MAGI3: variants seen among roughly 807,000 people sequenced by gnomAD.
MAGI3 encodes the protein membrane-associated guanylate kinase, WW and PDZ domain-containing protein 3.
Under a neutral mutation model 121.8 loss-of-function variants are expected in MAGI3, and 43 were observed. That is an observed-to-expected ratio of 0.35 (90% CI 0.28 to 0.46). The LOEUF is 0.46. MAGI3 is among the 20% of genes least tolerant of loss of function. The probability of loss-of-function intolerance (pLI) is 1.00; values close to 1 mark genes in which losing one functional copy is unlikely to be tolerated. For missense variants in MAGI3, 1,547 were observed against 1,797.3 expected (o/e 0.86, Z 2.52); for synonymous variants, 553 against 639.3 (o/e 0.86, Z 2.04).
At chr1:113,538,277 T>G (rs894074000) in intron 1 of MAGI3, among the ~76,000 whole-genome samples, 1 of 152,230 alleles carries the variant, frequency 6.6e-6, no homozygotes, top group African/African-American at 2.4e-5. Flanking sequence ...ACCTCAAGTC[T>G]TGGACATTCT....
intron 2 of MAGI3, among the ~76,000 whole-genome samples, chr1:113,567,890 GCATT>G (rs757295639): frequency 2.0e-5 from 3 of 151,868 alleles, no homozygotes; most frequent in Non-Finnish European, 4.4e-5. Context: ...GAAATAAAAG[GCATT>G]CAACTTAGAA....
At chr1:113,652,453 G>T (rs1021124815) in intron 14 of MAGI3, among the ~76,000 whole-genome samples, 3 of 152,096 alleles carry the variant, frequency 2.0e-5, no homozygotes, top group African/African-American at 7.2e-5. Flanking sequence ...GCCTCCTTTG[G>T]TAAATACCAG....
chr1:113,408,461 C>G (rs1390270372), intron 1 of MAGI3, among the ~76,000 whole-genome samples: 1 of 152,080 alleles, frequency 6.6e-6, no homozygotes, highest in Non-Finnish European at 1.5e-5. Context: ...GCTAGGTTAT[C>G]AGTTAAGTTG....
At position 113,585,544 on chromosome 1, in the gene MAGI3, TGAAGAG is replaced by T. The variant is rs1434168869; in HGVS notation, c.717_722del (p.Glu240_Glu241del). The T allele has an allele frequency of 5.0e-6, 8 of 1,614,102 alleles. No homozygotes were observed. In the East Asian group the frequency reaches 1.6e-4, roughly 31 times the overall value. On this transcript the variant is annotated inframe_deletion, in exon 4 of 21. Coordinates refer to ENST00000307546, the MANE Select transcript of MAGI3 (RefSeq NM_001142782.2). Reference sequence around the variant, plus strand: ...TGGAAAGAATGGATAGCTCTCTTCCTGAAGAGGAAGAAGATGAGGACAAGGAAGCTA... The same window carrying T: ...TGGAAAGAATGGATAGCTCTCTTCCTGAAGAAGATGAGGACAAGGAAGCTA...
At chr1:113,505,251 C>T (rs533112239) in intron 1 of MAGI3, among the ~76,000 whole-genome samples, 15 of 152,156 alleles carry the variant, frequency 9.9e-5, no homozygotes, top group African/African-American at 2.6e-4. Context: ...GCTAACAAAA[C>T]CGAATGTAAT....
chr1:113,443,052 G>C (rs1156985347), intron 1 of MAGI3, among the ~76,000 whole-genome samples: 1 of 152,048 alleles, frequency 6.6e-6, no homozygotes, highest in Admixed American at 6.6e-5. Context: ...AATAGTTGTT[G>C]ACTTAATGAG....
chr1:113,571,480 G>A (rs944421437), intron 2 of MAGI3, among the ~76,000 whole-genome samples: 13 of 152,144 alleles, frequency 8.5e-5, no homozygotes, highest in African/African-American at 2.9e-4. Flanking sequence ...AATTACTTTG[G>A]GCAGTGTGGC....
chr1:113,423,582 T>G (rs1652844783), intron 1 of MAGI3, among the ~76,000 whole-genome samples: 2 of 151,056 alleles, frequency 1.3e-5, no homozygotes, highest in African/African-American at 2.4e-5. Context: ...AGTCTGGGGG[T>G]TTTTATAGGC....
chr1:113,637,464 G>T (rs527254372), intron 9 of MAGI3, among the ~76,000 whole-genome samples: 1 of 152,120 alleles, frequency 6.6e-6, no homozygotes, highest in East Asian at 1.9e-4. Flanking sequence ...GTCTGTAAAG[G>T]ATTTTATTTC....
At chr1:113,512,152 C>T (rs1373011321) in intron 1 of MAGI3, among the ~76,000 whole-genome samples, 1 of 152,116 alleles carries the variant, frequency 6.6e-6, no homozygotes, top group African/African-American at 2.4e-5. Flanking sequence ...AAAAATGACT[C>T]ATATATATTT....
intron 8 of MAGI3, among the ~76,000 whole-genome samples, chr1:113,621,207 T>C: frequency 6.6e-6 from 1 of 152,206 alleles, no homozygotes; most frequent in Non-Finnish European, 1.5e-5. Context: ...CATGAAATGG[T>C]GTGCCGAAAG....
At chr1:113,599,349 A>G (rs1649223008) in intron 6 of MAGI3, among the ~76,000 whole-genome samples, 1 of 152,210 alleles carries the variant, frequency 6.6e-6, no homozygotes, top group Admixed American at 6.5e-5. Flanking sequence ...GAAAAGAGAG[A>G]AGAATCAAAT....
intron 9 of MAGI3, among the ~76,000 whole-genome samples, chr1:113,627,667 C>G (rs977955410): frequency 6.7e-6 from 1 of 150,202 alleles, no homozygotes; most frequent in African/African-American, 2.4e-5. Context: ...TCTAGTAAAG[C>G]AAGTAACACT....
At chr1:113,678,933 A>G (rs1273256929) in intron 19 of MAGI3, among the ~76,000 whole-genome samples, 1 of 152,112 alleles carries the variant, frequency 6.6e-6, no homozygotes, top group Non-Finnish European at 1.5e-5. Flanking sequence ...TTCTTTAGTC[A>G]CCTTGCAGCT....
intron 16 of MAGI3, among the ~76,000 whole-genome samples, chr1:113,665,675 T>A (rs1449964061): frequency 6.6e-6 from 1 of 152,194 alleles, no homozygotes; most frequent in Non-Finnish European, 1.5e-5. Flanking sequence ...TATTTCCAAT[T>A]ATTCAGCTCA....
chr1:113,583,851 G>A (rs1285271497), intron 3 of MAGI3, among the ~76,000 whole-genome samples: 1 of 152,194 alleles, frequency 6.6e-6, no homozygotes, highest in Non-Finnish European at 1.5e-5. Context: ...GGGAGTAGGT[G>A]AGTAGGGAGA....
chr1:113,431,750 G>A (rs1166514484), intron 1 of MAGI3, among the ~76,000 whole-genome samples: 1 of 151,988 alleles, frequency 6.6e-6, no homozygotes, highest in Admixed American at 6.6e-5. Context: ...TTCAGATAGG[G>A]CGACTGAATA....
At chr1:113,624,633 G>A (rs1778848) in intron 9 of MAGI3, among the ~76,000 whole-genome samples, 4,150 of 151,968 alleles carry the variant, frequency 0.027, 142 homozygotes, top group African/African-American at 0.076. Flanking sequence ...TGGATAGTTT[G>A]CAAAGATTTT....
At chr1:113,467,572 A>G (rs189623639) in intron 1 of MAGI3, among the ~76,000 whole-genome samples, 115 of 152,236 alleles carry the variant, frequency 7.6e-4, no homozygotes, top group Non-Finnish European at 1.4e-3. Context: ...TCACTCTGTC[A>G]CTCAGGCTGG....
Sources: gnomAD v4.1 joint callset for allele counts (sites outside exome capture counted in the v4.1 genomes callset) on GRCh38, gnomAD v4.1.1 for gene constraint, MANE v1.5 for transcripts, NCBI Gene and HGNC (gene_info 2026-07-23, HGNC 2026-07-21) for gene names.